SNX13: variants seen among roughly 807,000 people sequenced by gnomAD.
SNX13 encodes the protein sorting nexin 13.
In SNX13, 45 loss-of-function variants were observed where a neutral mutation model predicts 133.6. That is an observed-to-expected ratio of 0.34 (90% CI 0.27 to 0.43). The LOEUF is 0.43. SNX13 is among the 20% of genes least tolerant of loss of function. SNX13 has a pLI of 1.00. For synonymous variants in SNX13, 414 were observed against 373.9 expected (o/e 1.11, Z -1.24); for missense variants, 1,032 against 1,145.1 (o/e 0.90, Z 1.43).
intron 1 of SNX13, among the ~76,000 whole-genome samples, chr7:17,920,324 T>C (rs547631077): frequency 6.6e-6 from 1 of 152,296 alleles, no homozygotes; most frequent in South Asian, 2.1e-4. Flanking sequence ...AAATTTACCA[T>C]TTTACTACTT....
At chr7:17,900,806 T>C (rs148743284) in intron 1 of SNX13, among the ~76,000 whole-genome samples, 116 of 152,270 alleles carry the variant, frequency 7.6e-4, no homozygotes, top group African/African-American at 2.7e-3. Flanking sequence ...TCTATTCCAC[T>C]GTAACCAAGC....
In SNX13 at chr7:17,794,222, C is replaced by G. The variant is rs372316163; in HGVS notation, c.2697G>C (p.Gln899His). 15 of 1,611,508 alleles carry G rather than the reference C, an allele frequency of 9.3e-6. No individual in the cohort carries two copies. The highest frequency in any genetic ancestry group is 1.3e-5 in the Non-Finnish European group (15 of 1,178,520). Residue 899 changes from glutamine (Q) to histidine (H), a missense_variant, in exon 26 of 26, where the codon CAG (glutamine) becomes CAC (histidine). By Grantham distance (24) the Gln-to-His change is conservative. Transcript: ENST00000428135. ...KGILRVFEMFQHNQLNRRMVY... is the reference protein window; with the variant it reads ...KGILRVFEMFHHNQLNRRMVY... ...CCATTCTCCTATTTAATTGGTTGTG[C>G]TGAAACATTTCAAAAACACGAAGAA... is the stretch of plus-strand genomic sequence containing the variant.
chr7:17,864,545 T>C (rs187391772), intron 9 of SNX13, among the ~76,000 whole-genome samples: 2 of 152,264 alleles, frequency 1.3e-5, no homozygotes, highest in East Asian at 1.9e-4. Flanking sequence ...CTACGATTTA[T>C]TGGCCTTAAA....
chr7:17,940,240 C>T, intron 1 of SNX13, 44 bp downstream of exon 1: 1 of 1,553,124 alleles, frequency 6.4e-7, no homozygotes, highest in Non-Finnish European at 8.7e-7. Context: ...GCGCCGGCCC[C>T]TTCCCCATTT....
At chr7:17,902,912 T>C (rs969075379) in intron 1 of SNX13, among the ~76,000 whole-genome samples, 14 of 152,038 alleles carry the variant, frequency 9.2e-5, no homozygotes, top group African/African-American at 3.4e-4. Context: ...GGGCTCTAGG[T>C]TGAGTATTCC....
chr7:17,853,711 A>C (rs980436026), intron 9 of SNX13, among the ~76,000 whole-genome samples: 1 of 152,218 alleles, frequency 6.6e-6, no homozygotes, highest in African/African-American at 2.4e-5. Flanking sequence ...TGGGAGGCTG[A>C]GGCGGGTGGA....
chr7:17,896,877 TATTTGA>T (rs1797271470), intron 2 of SNX13, among the ~76,000 whole-genome samples: 1 of 152,054 alleles, frequency 6.6e-6, no homozygotes, highest in Non-Finnish European at 1.5e-5. Flanking sequence ...CAAAATCAGG[TATTTGA>T]ATTTTCTAGA....
chr7:17,903,803 T>C (rs1798106024), intron 1 of SNX13, among the ~76,000 whole-genome samples: 1 of 152,176 alleles, frequency 6.6e-6, no homozygotes, highest in Non-Finnish European at 1.5e-5. Context: ...TAAATATTAA[T>C]CAGCTTAATA....
At chr7:17,917,348 T>C (rs147831069) in intron 1 of SNX13, among the ~76,000 whole-genome samples, 2 of 152,180 alleles carry the variant, frequency 1.3e-5, no homozygotes, top group East Asian at 1.9e-4. Context: ...CGCATCCAAA[T>C]AGAAAAAGAA....
intron 1 of SNX13, among the ~76,000 whole-genome samples, chr7:17,918,681 G>GAA (rs1267751748): frequency 6.6e-6 from 1 of 152,168 alleles, no homozygotes; most frequent in Non-Finnish European, 1.5e-5. Context: ...AGCCCCTGTA[G>GAA]AAAGCAGTTT....
intron 12 of SNX13, among the ~76,000 whole-genome samples, chr7:17,840,355 C>G (rs1246820455): frequency 6.6e-6 from 1 of 151,754 alleles, no homozygotes; most frequent in Non-Finnish European, 1.5e-5. Flanking sequence ...CTCTTCAAAC[C>G]ATATATTTAT....
At chr7:17,848,993 G>A (rs1790885236) in intron 11 of SNX13, among the ~76,000 whole-genome samples, 1 of 152,132 alleles carries the variant, frequency 6.6e-6, no homozygotes, top group Non-Finnish European at 1.5e-5. Context: ...AGTCACCAGT[G>A]CATTCCTACT....
intron 20 of SNX13, among the ~76,000 whole-genome samples, chr7:17,805,211 T>TGTGTGTGTGTGTGTG (rs756302031): frequency 8.4e-6 from 1 of 118,492 alleles, no homozygotes; most frequent in African/African-American, 3.4e-5. Context: ...TAATGATTCT[T>TGTGTGTGTGTGTGTG]TGTGTGTGTG....
At chr7:17,818,023 T>G (rs1388919124) in intron 18 of SNX13, among the ~76,000 whole-genome samples, 1 of 152,130 alleles carries the variant, frequency 6.6e-6, no homozygotes, top group Admixed American at 6.6e-5. Flanking sequence ...CCAACCTGAC[T>G]GGTATCCTAT....
At chr7:17,819,970 G>C (rs574846770) in intron 18 of SNX13, among the ~76,000 whole-genome samples, 1 of 152,110 alleles carries the variant, frequency 6.6e-6, no homozygotes, top group South Asian at 2.1e-4. Flanking sequence ...CACGTGAGCT[G>C]TTTGAAAAAG....
chr7:17,922,974 G>C (rs568456033), intron 1 of SNX13, among the ~76,000 whole-genome samples: 1 of 152,206 alleles, frequency 6.6e-6, no homozygotes, highest in African/African-American at 2.4e-5. Flanking sequence ...TCAAGTAGCA[G>C]GTAGTATTAT....
intron 9 of SNX13, among the ~76,000 whole-genome samples, chr7:17,853,778 C>G: frequency 6.6e-6 from 1 of 152,114 alleles, no homozygotes; most frequent in East Asian, 1.9e-4. Context: ...CCCGTCTCTA[C>G]TAAAAATACA....
At chr7:17,862,006 A>G (rs1458272393) in intron 9 of SNX13, among the ~76,000 whole-genome samples, 1 of 152,232 alleles carries the variant, frequency 6.6e-6, no homozygotes, top group East Asian at 1.9e-4. Flanking sequence ...CAGAACCATC[A>G]GTAATTCAGC....
intron 17 of SNX13, among the ~76,000 whole-genome samples, chr7:17,824,774 C>CTTT (rs35168851): frequency 2.0e-5 from 3 of 146,874 alleles, no homozygotes; most frequent in Non-Finnish European, 1.5e-5. Flanking sequence ...GAAGAAATAA[C>CTTT]TTTTTTTTTT....
Sources: gnomAD v4.1 joint callset for allele counts (sites outside exome capture counted in the v4.1 genomes callset) on GRCh38, gnomAD v4.1.1 for gene constraint, MANE v1.5 for transcripts, NCBI Gene and HGNC (gene_info 2026-07-23, HGNC 2026-07-21) for gene names.